The following LHFPL3 variants were observed in gnomAD, a reference collection of about 807,000 sequenced individuals.
The protein encoded by LHFPL3 is LHFPL tetraspan subfamily member 3, also known as LHFPL tetraspan subfamily member 3 protein.
A neutral mutation model predicts 19.3 loss-of-function variants in LHFPL3; 5 were observed. The ratio of observed to expected loss-of-function variants is 0.26; its 90% CI spans 0.14 to 0.54. LHFPL3 has a LOEUF of 0.54. Ranked by LOEUF, LHFPL3 falls within the 20% of genes least tolerant of loss-of-function variation. The probability of loss-of-function intolerance (pLI) is 0.94; values close to 1 mark genes in which losing one functional copy is unlikely to be tolerated. For missense variants in LHFPL3, 249 were observed against 307.4 expected (o/e 0.81, Z 1.42); for synonymous variants, 133 against 126.2 (o/e 1.05, Z -0.36).
intron 1 of LHFPL3, among the ~76,000 whole-genome samples, chr7:104,728,511 G>C (rs1793630571): frequency 6.6e-6 from 1 of 152,142 alleles, no homozygotes; most frequent in African/African-American, 2.4e-5. Context: ...TCCAATGCCA[G>C]AATCTTTCCA....
chr7:104,618,420 T>C (rs769546300), intron 1 of LHFPL3, among the ~76,000 whole-genome samples: 2 of 152,206 alleles, frequency 1.3e-5, no homozygotes, highest in African/African-American at 4.8e-5. Context: ...AAAGAGATCT[T>C]GCCCAAAGCG....
intron 1 of LHFPL3, among the ~76,000 whole-genome samples, chr7:104,442,906 G>A (rs1296610197): frequency 6.6e-6 from 1 of 152,064 alleles, no homozygotes. Flanking sequence ...TCCTAACATA[G>A]CTGCTTTTGA....
At chr7:104,581,398 G>A (rs1426520522) in intron 1 of LHFPL3, among the ~76,000 whole-genome samples, 2 of 151,918 alleles carry the variant, frequency 1.3e-5, no homozygotes, top group African/African-American at 2.4e-5. Flanking sequence ...CATGTTCTGG[G>A]TACAAGTTTT....
At chr7:104,758,091 A>G (rs916834696) in intron 2 of LHFPL3, among the ~76,000 whole-genome samples, 3 of 152,216 alleles carry the variant, frequency 2.0e-5, no homozygotes, top group Admixed American at 2.0e-4. Context: ...TCCTAAGCGA[A>G]TTAACAGAGG....
rs151276808 is a variant in LHFPL3 at position 104,823,126 on chromosome 7, C to A, written c.683-83061C>A. Among the ~76,000 whole-genome samples the A allele has an allele frequency of 1.3e-3, 197 of 152,168 alleles. 1 individual carries two copies. The highest frequency in any genetic ancestry group is 4.6e-3 in the African/African-American group (190 of 41,508). ...TATGCTATGGAACACAGGGAAGGCC[C>A]GAGAATGAAACATGTGGAGAATGTT... On this transcript the variant is annotated intron_variant, in intron 2 of 2. Transcript: ENST00000424859.
intron 1 of LHFPL3, among the ~76,000 whole-genome samples, chr7:104,486,242 A>G (rs1486412081): frequency 6.6e-6 from 1 of 152,084 alleles, no homozygotes; most frequent in Non-Finnish European, 1.5e-5. Flanking sequence ...TTCTCTTATG[A>G]GCTTTGGTAT....
intron 2 of LHFPL3, among the ~76,000 whole-genome samples, chr7:104,819,468 C>G (rs994060421): frequency 1.3e-5 from 2 of 152,068 alleles, no homozygotes; most frequent in African/African-American, 4.8e-5. Context: ...AAATTCTGAC[C>G]CTTGTTTCTG....
At chr7:104,702,950 A>G (rs1793130005) in intron 1 of LHFPL3, among the ~76,000 whole-genome samples, 1 of 152,098 alleles carries the variant, frequency 6.6e-6, no homozygotes, top group Admixed American at 6.5e-5. Context: ...CTCCCCTCCC[A>G]TCTACTGTCC....
chr7:104,617,664 C>T (rs952931185), intron 1 of LHFPL3, among the ~76,000 whole-genome samples: 1 of 152,202 alleles, frequency 6.6e-6, no homozygotes, highest in Non-Finnish European at 1.5e-5. Context: ...TAATTAGATG[C>T]ATACTTTCCC....
intron 1 of LHFPL3, among the ~76,000 whole-genome samples, chr7:104,585,635 C>T (rs1300353820): frequency 1.3e-5 from 2 of 152,038 alleles, no homozygotes; most frequent in East Asian, 1.9e-4. Flanking sequence ...GCCTCCAAGT[C>T]ATTGTGCTTT....
chr7:104,657,056 T>C (rs1792134331), intron 1 of LHFPL3, among the ~76,000 whole-genome samples: 1 of 152,228 alleles, frequency 6.6e-6, no homozygotes, highest in African/African-American at 2.4e-5. Context: ...GATGGCTCAA[T>C]TTCTCCACCT....
At chr7:104,732,250 G>T (rs1428075068) in intron 1 of LHFPL3, among the ~76,000 whole-genome samples, 1 of 152,168 alleles carries the variant, frequency 6.6e-6, no homozygotes, top group East Asian at 1.9e-4. Flanking sequence ...AAATGAGTTA[G>T]GGAGGATTCC....
At chr7:104,649,290 A>T (rs1451270389) in intron 1 of LHFPL3, among the ~76,000 whole-genome samples, 1 of 152,246 alleles carries the variant, frequency 6.6e-6, no homozygotes, top group Non-Finnish European at 1.5e-5. Context: ...TGAACAAAAT[A>T]AAACAGACCT....
rs1790081508 is a variant in LHFPL3 at position 104,564,534 on chromosome 7, A to C, written c.446-172141A>C. On this transcript the variant is annotated intron_variant, in intron 1 of 2. Coordinates refer to ENST00000424859, the MANE Select transcript of LHFPL3 (RefSeq NM_199000.3). The stretch of plus-strand genomic sequence containing the variant: ...TTATGAATCCATCTAGATACCTCAT[A>C]TAATCTGATCATCTAAATAAAAGTT... 2.0e-5 allele frequency among the ~76,000 whole-genome samples: 3 copies of C among 152,262 alleles called. No homozygotes were observed. In the South Asian group the frequency reaches 6.2e-4, roughly 32 times the overall value.
intron 2 of LHFPL3, among the ~76,000 whole-genome samples, chr7:104,814,672 A>G (rs1038961687): frequency 6.6e-6 from 1 of 152,176 alleles, no homozygotes; most frequent in African/African-American, 2.4e-5. Flanking sequence ...AGCGGCACCT[A>G]TAGGTCAGCA....
intron 1 of LHFPL3, among the ~76,000 whole-genome samples, chr7:104,378,875 TG>T (rs1790766888): frequency 6.6e-6 from 1 of 152,246 alleles, no homozygotes; most frequent in East Asian, 1.9e-4. Context: ...ACTAGTCCAT[TG>T]ATAAATACAT....
chr7:104,769,642 A>G (rs61115409), intron 2 of LHFPL3, among the ~76,000 whole-genome samples: 67 of 143,304 alleles, frequency 4.7e-4, no homozygotes, highest in Non-Finnish European at 7.2e-4. Context: ...CCGGTGTGTG[A>G]TGTTCCCCTC....
intron 1 of LHFPL3, among the ~76,000 whole-genome samples, chr7:104,437,887 A>G (rs998712607): frequency 2.0e-5 from 3 of 152,032 alleles, no homozygotes; most frequent in African/African-American, 7.2e-5. Flanking sequence ...TCAATTATTA[A>G]CTCAATACTT....
At chr7:104,550,807 CAGTG>C (rs548454564) in intron 1 of LHFPL3, among the ~76,000 whole-genome samples, 24 of 152,152 alleles carry the variant, frequency 1.6e-4, no homozygotes, top group Non-Finnish European at 3.1e-4. Context: ...TGATTTTAAA[CAGTG>C]AGAAATTATT....
Sources: gnomAD v4.1 joint callset for allele counts (sites outside exome capture counted in the v4.1 genomes callset) on GRCh38, gnomAD v4.1.1 for gene constraint, MANE v1.5 for transcripts, NCBI Gene and HGNC (gene_info 2026-07-23, HGNC 2026-07-21) for gene names.